CCDC183: variants seen among roughly 807,000 people sequenced by gnomAD.
The protein encoded by CCDC183 is coiled-coil domain-containing protein 183.
Under a neutral mutation model 65.2 loss-of-function variants are expected in CCDC183, and 63 were observed. The ratio of observed to expected loss-of-function variants is 0.97; its 90% CI spans 0.79 to 1.19. The LOEUF (loss-of-function observed/expected upper bound fraction) is 1.19. CCDC183 is among the 50% of genes most tolerant of loss of function. The pLI, the probability that CCDC183 is intolerant of heterozygous loss-of-function variation, is 0.00. For missense variants in CCDC183, 769 were observed against 689.3 expected, an observed-to-expected ratio of 1.12 and a Z score of -1.30; for synonymous variants, 323 against 276.5, an observed-to-expected ratio of 1.17 and a Z score of -1.67.
chr9:136,805,182 G>A, intron 8 of CCDC183, 175 bp from the exon 9 acceptor site: 2 of 614,540 alleles, frequency 3.3e-6, no homozygotes, highest in South Asian at 3.9e-5. Context: ...GGGCGTCCCT[G>A]CAGGGCTGGG....
rs200445045 is a variant in CCDC183 at position 136,804,542 on chromosome 9, G to A, written c.707G>A (p.Arg236His). 4.9e-4 allele frequency: 790 copies of A among 1,613,330 alleles called. 2 individuals are homozygous for A. Among genetic ancestry groups the A allele is most frequent in the Non-Finnish European group, 6.1e-4 (723 of 1,179,940 alleles). ...RQREASFIEE[R>H]RARENRLNQQ... ...AGGGAGGCGTCCTTCATCGAGGAGC[G>A]CCGGGCAAGGGAGAACCGGCTCAAC... is the stretch of plus-strand genomic sequence containing the variant. Residue 236 changes from arginine to histidine, a missense_variant, in exon 7 of 14, where the codon CGC becomes CAC. Arg to His is a conservative substitution (Grantham distance 29, BLOSUM62 0). Transcript: ENST00000338005. The surrounding 1 kb of genome is among the most constrained non-coding windows in gnomAD (Gnocchi z 4.1).
At chr9:136,807,087 G>GAGGAGGATATGAT (rs1564353336) in intron 13 of CCDC183, 21 bp downstream of exon 13, 11 of 1,610,630 alleles carry the variant, frequency 6.8e-6, no homozygotes, top group Non-Finnish European at 9.3e-6. Context: ...CGGAACTGGG[G>GAGGAGGATATGAT]CCCGGGCTGC....
At chr9:136,798,698 G>T (rs913261554) in intron 1 of CCDC183, among the ~76,000 whole-genome samples, 9 of 152,126 alleles carry the variant, frequency 5.9e-5, no homozygotes, top group Non-Finnish European at 1.2e-4. Context: ...GGGATCAAAG[G>T]GACCTGCATG....
intron 1 of CCDC183, among the ~76,000 whole-genome samples, chr9:136,798,587 G>A (rs529112984): frequency 1.3e-5 from 2 of 152,292 alleles, no homozygotes; most frequent in East Asian, 1.9e-4. Context: ...GTGAGCCACC[G>A]CTCCTGGCCT....
chr9:136,798,655 C>T (rs1847688476), intron 1 of CCDC183, among the ~76,000 whole-genome samples: 1 of 152,126 alleles, frequency 6.6e-6, no homozygotes, highest in South Asian at 2.1e-4. Flanking sequence ...AACAGACCCC[C>T]CTACTGCCCA....
At chr9:136,803,638 G>T (rs1367153277) in intron 6 of CCDC183, among the ~76,000 whole-genome samples, 1 of 152,226 alleles carries the variant, frequency 6.6e-6, no homozygotes, top group Non-Finnish European at 1.5e-5. Flanking sequence ...AGCCAGCTCA[G>T]CAGAGACAGG....
intron 4 of CCDC183, 46 bp downstream of exon 4, chr9:136,800,215 A>C: frequency 1.5e-6 from 1 of 672,070 alleles, no homozygotes; most frequent in Non-Finnish European, 2.3e-6. Context: ...CACTGGGGCA[A>C]GACTCACGGG....
rs1847821552 is a variant in CCDC183, at chr9:136,805,239, G to A, written c.848-118G>A. Reference sequence around the variant, plus strand: ...GCGGGGGCAGGCATCTCTGAAGGATGCCTGTGTCTTGGGTGGCCGCCCCAG... The same window carrying A: ...GCGGGGGCAGGCATCTCTGAAGGATACCTGTGTCTTGGGTGGCCGCCCCAG... On this transcript the variant is annotated intron_variant, in intron 8 of 13. Transcript: ENST00000338005. 3.9e-6 allele frequency: 3 copies of A among 760,790 alleles called. No homozygotes were observed. The Admixed American group carries it at 7.2e-5, about 18-fold the overall frequency. The allele number at this position is 760,790 out of a possible 1,614,324, so 47.1% of individuals were successfully genotyped here. A position where few individuals can be genotyped will look rare whatever the true frequency, so the allele number is the denominator to read the frequency against.
chr9:136,807,248 G>A, intron 13 of CCDC183, 182 bp downstream of exon 13: 2 of 655,518 alleles, frequency 3.1e-6, no homozygotes, highest in Non-Finnish European at 5.2e-6. Context: ...GGAGGCTAAA[G>A]CCACTGAAAT....
In CCDC183 at chr9:136,807,067, G is replaced by A. The variant is rs1343960109; in HGVS notation, c.1486+1G>A. On this transcript the variant is annotated splice_donor_variant, in intron 13 of 13. Transcript: ENST00000338005. LOFTEE classifies it high-confidence loss of function. The stretch of plus-strand genomic sequence containing the variant: ...GAGAACCGGGAGGAGGATATGATCG[G>A]TACAGGCCCCGGAACTGGGGCCCGG... 6.2e-7 allele frequency: 1 copy of A among 1,612,866 alleles called. No homozygotes were observed. The highest frequency in any genetic ancestry group is 8.5e-7 in the Non-Finnish European group (1 of 1,179,920).
Position 136,800,512 on chromosome 9 carries a change from GA to G in CCDC183, c.543+21del. 6.4e-7 allele frequency: 1 copy of G among 1,553,398 alleles called. No homozygotes were observed. ...GAAGACAGTGAGCCCAGCGGCCCGG[GA>G]AGGGCGGGGGTCAGGGGCTGGGATC... On this transcript the variant is annotated intron_variant, in intron 5 of 13. Coordinates refer to ENST00000338005, the MANE Select transcript of CCDC183 (RefSeq NM_001039374.5).
In CCDC183 at chr9:136,807,622, G is replaced by A. The variant is rs1847887806; in HGVS notation, c.1537G>A (p.Glu513Lys). ...CCACAGCTACGTCCCTTCGCGCGCC[G>A]AGATCAAGAGGCAGGCGCAGCGGCT... ...MDHSYVPSRA[E>K]IKRQAQRLIE... Residue 513 changes from glutamate (E) to lysine (K), a missense_variant, in exon 14 of 14, where the codon GAG becomes AAG. Coordinates refer to ENST00000338005, the MANE Select transcript of CCDC183 (RefSeq NM_001039374.5). The A allele has an allele frequency of 1.2e-6, 2 of 1,605,532 alleles. No individual in the cohort carries two copies. The highest frequency in any genetic ancestry group is 8.5e-7 in the Non-Finnish European group (1 of 1,176,550).
At position 136,799,771 on chromosome 9, in the gene CCDC183, A is replaced by C. The variant is rs1263430156; in HGVS notation, c.251A>C (p.His84Pro). 1 of 1,613,020 alleles carries C rather than the reference A, an allele frequency of 6.2e-7. No individual in the cohort carries two copies. Among genetic ancestry groups the C allele is most frequent in the Non-Finnish European group, 8.5e-7 (1 of 1,179,834 alleles). ...CGKNLPLRLAHCRSTMEVVRE... is the reference protein window; with the variant it reads ...CGKNLPLRLAPCRSTMEVVRE... Reference sequence around the variant, plus strand: ...AAAAACTTGCCTTTGCGACTGGCGCACTGCCGCAGCACCATGGAGGTAACC... The same window carrying C: ...AAAAACTTGCCTTTGCGACTGGCGCCCTGCCGCAGCACCATGGAGGTAACC... The change falls in exon 3 of 14, where the codon CAC becomes CCC. Residue 84 changes from histidine (H) to proline (P), a missense_variant. His to Pro is a moderately conservative substitution (Grantham distance 77). Transcript: ENST00000338005.
chr9:136,800,341 G>A (rs771469625), intron 4 of CCDC183, 48 bp from the exon 5 acceptor site: 26 of 1,537,228 alleles, frequency 1.7e-5, no homozygotes, highest in Non-Finnish European at 2.1e-5. Context: ...GACACCCTCC[G>A]GGCGGCCGGT....
At chr9:136,806,905 C>A in intron 12 of CCDC183, 38 bp downstream of exon 12, 1 of 1,613,354 alleles carries the variant, frequency 6.2e-7, no homozygotes. Flanking sequence ...CAGCCCACGT[C>A]CCCTCAAAGC....
At chr9:136,806,020 G>A (rs1186040588) in intron 9 of CCDC183, 58 bp from the exon 10 acceptor site, 1 of 1,422,252 alleles carries the variant, frequency 7.0e-7, no homozygotes, top group African/African-American at 1.4e-5. Flanking sequence ...GTTCTGTGAA[G>A]CCCCCTCTGC....
Position 136,802,736 on chromosome 9 carries a change from G to C in CCDC183, c.616G>C (p.Asp206His). ...GGTCAACTACTGCTCAGAGCTGTCG[G>C]ATATGAAGATCATGTCCCAAGATGC... ...LVVNYCSELS[D>H]MKIMSQDAMM... Residue 206 changes from aspartate (D) to histidine (H), a missense_variant, in exon 6 of 14, where the codon GAT becomes CAT. Physicochemically the swap from Asp to His is moderately conservative, Grantham distance 81. Transcript: ENST00000338005. 1.2e-6 allele frequency: 2 copies of C among 1,613,514 alleles called. No individual in the cohort carries two copies. Among genetic ancestry groups the C allele is most frequent in the South Asian group, 1.1e-5 (1 of 91,064 alleles).
intron 5 of CCDC183, among the ~76,000 whole-genome samples, chr9:136,801,163 G>C (rs1010806741): frequency 6.6e-6 from 1 of 152,162 alleles, no homozygotes; most frequent in African/African-American, 2.4e-5. Context: ...TTTAGGAGGA[G>C]TGGTGGACGG....
intron 2 of CCDC183, 89 bp from the exon 3 acceptor site, chr9:136,799,624 A>G: frequency 9.0e-7 from 1 of 1,107,030 alleles, no homozygotes; most frequent in Non-Finnish European, 1.3e-6. Flanking sequence ...AGCGTGGGAT[A>G]CAAGAGGCCC....
Sources: gnomAD v4.1 joint callset for allele counts (sites outside exome capture counted in the v4.1 genomes callset) on GRCh38, gnomAD v4.1.1 for gene constraint, Gnocchi (gnomAD v3.1) non-coding constraint, MANE v1.5 for transcripts, NCBI Gene and HGNC (gene_info 2026-07-23, HGNC 2026-07-21) for gene names.